The following CDK17 variants were observed in gnomAD, a reference collection of about 807,000 sequenced individuals.
The protein encoded by CDK17 is cyclin dependent kinase 17.
In CDK17, 24 loss-of-function variants were observed where a neutral mutation model predicts 77.6. That is an observed-to-expected ratio of 0.31 (90% CI 0.22 to 0.44). The LOEUF is 0.44. Ranked by LOEUF, CDK17 falls within the 20% of genes least tolerant of loss-of-function variation. The pLI, the probability that CDK17 is intolerant of heterozygous loss-of-function variation, is 1.00. For synonymous variants in CDK17, 203 were observed against 210.4 expected (o/e 0.96, Z 0.30); for missense variants, 429 against 622.5 (o/e 0.69, Z 3.31).
chr12:96,303,440 T>C (rs999691763), intron 5 of CDK17: 6 of 152,126 alleles, frequency 3.9e-5, no homozygotes, highest in African/African-American at 1.4e-4. Context: ...TGGGGGTATT[T>C]GGGAAAAATT....
chr12:96,295,453 C>G (rs1159374528), intron 9 of CDK17: 1 of 159,480 alleles, frequency 6.3e-6, no homozygotes, highest in African/African-American at 2.4e-5. Flanking sequence ...CATAAACTTA[C>G]AGGCCTACTA....
At chr12:96,301,059 C>T (rs1184596048) in intron 5 of CDK17, among the ~76,000 whole-genome samples, 1 of 152,044 alleles carries the variant, frequency 6.6e-6, no homozygotes. Context: ...TTTTCTCCCT[C>T]ACCAATCTGA....
chr12:96,399,724 C>A (rs1954228043), intron 1 of CDK17, among the ~76,000 whole-genome samples: 1 of 152,162 alleles, frequency 6.6e-6, no homozygotes, highest in Non-Finnish European at 1.5e-5. Context: ...TCGGCGCCTC[C>A]TGGGAAGCAG....
intron 5 of CDK17, among the ~76,000 whole-genome samples, chr12:96,309,707 A>G (rs1174456298): frequency 1.3e-5 from 2 of 152,220 alleles, no homozygotes; most frequent in Non-Finnish European, 2.9e-5. Context: ...CTAAATATAA[A>G]CATACAATAA....
rs146812846 is a variant in CDK17, at chr12:96,325,423, G to A, written c.119-1311C>T. ...TTTCTCAACTAAGGACAGGTTGACAGGAGTTGGCTACAAGCCTTAAAGTGA... is the reference window on the plus strand; with the variant it reads ...TTTCTCAACTAAGGACAGGTTGACAAGAGTTGGCTACAAGCCTTAAAGTGA... On this transcript the variant is annotated intron_variant, in intron 2 of 16. Coordinates refer to ENST00000261211, the MANE Select transcript of CDK17 (RefSeq NM_002595.5). Among the ~76,000 whole-genome samples the A allele has an allele frequency of 3.1e-3, 468 of 152,360 alleles. 3 individuals are homozygous for A. The highest frequency in any genetic ancestry group is 5.0e-3 in the Non-Finnish European group (339 of 68,032).
chr12:96,378,757 T>G (rs935264655), intron 1 of CDK17, among the ~76,000 whole-genome samples: 1 of 152,196 alleles, frequency 6.6e-6, no homozygotes, highest in South Asian at 2.1e-4. Context: ...CTACGGTACA[T>G]CTACATAAGA....
intron 1 of CDK17, among the ~76,000 whole-genome samples, chr12:96,351,603 T>C (rs1953314132): frequency 6.6e-6 from 1 of 152,220 alleles, no homozygotes; most frequent in African/African-American, 2.4e-5. Context: ...GTTGTGATGG[T>C]TACACAAAAT....
At chr12:96,304,918 G>A (rs1292179113) in intron 5 of CDK17, among the ~76,000 whole-genome samples, 1 of 152,112 alleles carries the variant, frequency 6.6e-6, no homozygotes, top group Non-Finnish European at 1.5e-5. Context: ...GGTAAAACCA[G>A]GAATGAAGAA....
At chr12:96,317,763 C>A (rs1161484197) in intron 3 of CDK17, among the ~76,000 whole-genome samples, 6 of 147,310 alleles carry the variant, frequency 4.1e-5, no homozygotes, top group Admixed American at 4.1e-4. Flanking sequence ...GATTTTGTCA[C>A]CACCAGGCCT....
chr12:96,369,722 T>G (rs1178502223), intron 1 of CDK17, among the ~76,000 whole-genome samples: 1 of 152,164 alleles, frequency 6.6e-6, no homozygotes, highest in East Asian at 1.9e-4. Flanking sequence ...GAGGTTGCAG[T>G]GAGCCAAGAT....
intron 2 of CDK17, among the ~76,000 whole-genome samples, chr12:96,328,622 C>G (rs981827742): frequency 9.2e-5 from 14 of 152,072 alleles, no homozygotes; most frequent in African/African-American, 3.1e-4. Context: ...GTTTTAGTAA[C>G]TGGTTAAGTG....
intron 5 of CDK17, among the ~76,000 whole-genome samples, chr12:96,306,080 G>A (rs1378342596): frequency 6.6e-6 from 1 of 152,104 alleles, no homozygotes; most frequent in Non-Finnish European, 1.5e-5. Context: ...GAGAGGAAGA[G>A]TTAATCAGAG....
intron 1 of CDK17, among the ~76,000 whole-genome samples, chr12:96,342,351 T>C (rs1484330953): frequency 6.6e-6 from 1 of 152,206 alleles, no homozygotes; most frequent in Admixed American, 6.5e-5. Flanking sequence ...GTTTAAAACT[T>C]AAACTTTTTT....
At chr12:96,307,568 T>C (rs1952591872) in intron 5 of CDK17, among the ~76,000 whole-genome samples, 1 of 151,980 alleles carries the variant, frequency 6.6e-6, no homozygotes, top group African/African-American at 2.4e-5. Flanking sequence ...AATGGCAAAA[T>C]CATCCCAATA....
At chr12:96,372,066 T>C (rs1321378768) in intron 1 of CDK17, among the ~76,000 whole-genome samples, 9 of 152,180 alleles carry the variant, frequency 5.9e-5, no homozygotes, top group African/African-American at 2.2e-4. Flanking sequence ...CCAAGAGGCA[T>C]CTGAACTGGA....
intron 1 of CDK17, among the ~76,000 whole-genome samples, chr12:96,359,645 C>A (rs764066684): frequency 8.5e-5 from 13 of 152,136 alleles, no homozygotes; most frequent in Non-Finnish European, 1.9e-4. Flanking sequence ...ACAATTTTCA[C>A]AATTTCATAA....
At chr12:96,298,826 T>A in intron 7 of CDK17, 43 bp downstream of exon 7, 1 of 1,031,686 alleles carries the variant, frequency 9.7e-7, no homozygotes. Flanking sequence ...TAGACACTTA[T>A]TCCACCACTT....
At chr12:96,359,395 A>G (rs1953459792) in intron 1 of CDK17, among the ~76,000 whole-genome samples, 2 of 152,222 alleles carry the variant, frequency 1.3e-5, no homozygotes, top group South Asian at 2.1e-4. Context: ...ACATCCACTG[A>G]GCACTGACTG....
intron 1 of CDK17, among the ~76,000 whole-genome samples, chr12:96,397,511 G>A (rs897963280): frequency 6.6e-6 from 1 of 150,460 alleles, no homozygotes; most frequent in Non-Finnish European, 1.5e-5. Flanking sequence ...GGATGAGAAT[G>A]ATACATTTTA....
Sources: allele counts gnomAD v4.1 joint callset (sites outside exome capture counted in the v4.1 genomes callset), GRCh38; gene constraint gnomAD v4.1.1; transcripts MANE v1.5; gene names NCBI Gene and HGNC (gene_info 2026-07-23, HGNC 2026-07-21).